RB1: variants seen among roughly 807,000 people sequenced by gnomAD.
RB1 encodes RB transcriptional corepressor 1, also known as retinoblastoma-associated protein.
A neutral mutation model predicts 135.4 loss-of-function variants in RB1; 18 were observed. The observed-to-expected ratio is 0.13, with a 90% CI of 0.09 to 0.20. RB1 has a LOEUF of 0.20. Ranked by LOEUF, RB1 falls within the 10% of genes least tolerant of loss-of-function variation. The pLI is 1.00. For missense variants in RB1, 868 were observed against 1,110.0 expected (o/e 0.78, Z 3.10); for synonymous variants, 365 against 373.2 (o/e 0.98, Z 0.25).
rs74733446 is a variant in RB1, at chr13:48,401,875, A to C, written c.1695+20432A>C. On this transcript the variant is annotated intron_variant, in intron 17 of 26. Coordinates refer to ENST00000267163, the MANE Select transcript of RB1 (RefSeq NM_000321.3). The stretch of plus-strand genomic sequence containing the variant: ...CAAATTTATCTTTAAGATTTTGATT[A>C]TATTCCTTAAGAATTCTTCAAAGAC... Among the ~76,000 whole-genome samples, 1,766 of 152,284 alleles carry C rather than the reference A, an allele frequency of 0.012. 66 individuals are homozygous for C. The East Asian group carries it at 0.12, about 10-fold the overall frequency.
intron 17 of RB1, among the ~76,000 whole-genome samples, chr13:48,423,739 G>A (rs1345664078): frequency 6.6e-6 from 1 of 152,160 alleles, no homozygotes; most frequent in Non-Finnish European, 1.5e-5. Context: ...GAAATAAATT[G>A]ATTTAAGTTC....
chr13:48,340,590 A>AAG (rs1555282513), intron 2 of RB1, among the ~76,000 whole-genome samples: 1 of 36,328 alleles, frequency 2.8e-5, no homozygotes, highest in Non-Finnish European at 2.0e-4. Context: ...AGAGAGAGAG[A>AAG]AAAAAAAAGG....
chr13:48,380,976 C>G (rs774368763), intron 16 of RB1, among the ~76,000 whole-genome samples: 1 of 152,058 alleles, frequency 6.6e-6, no homozygotes, highest in Non-Finnish European at 1.5e-5. Context: ...AGATACTAAA[C>G]CTGTTCCTGA....
intron 17 of RB1, among the ~76,000 whole-genome samples, chr13:48,423,336 G>A (rs1361672377): frequency 2.6e-5 from 4 of 151,900 alleles, no homozygotes; most frequent in Non-Finnish European, 2.9e-5. Flanking sequence ...GTGCAGTGGC[G>A]CGATCTCGGC....
At chr13:48,451,585 T>G (rs1949327285) in intron 17 of RB1, among the ~76,000 whole-genome samples, 1 of 152,140 alleles carries the variant, frequency 6.6e-6, no homozygotes, top group Admixed American at 6.5e-5. Context: ...GTTTTCTTTT[T>G]TTGTTGTATC....
chr13:48,456,252 T>A lies in RB1; in HGVS notation c.1863T>A (p.Arg621=), dbSNP rs777844119. ...CAAAGAAAAAAGGTTCAACTACGCG[T>A]GTAAATTCTACTGCAAATGCAGAGA... The part of the protein sequence containing the change: ...RSPKKKGSTT[R]VNSTANAETQ... Residue 621 remains arginine (R), a synonymous_variant, in exon 19 of 27, where the codon CGT becomes CGA. Coordinates refer to ENST00000267163, the MANE Select transcript of RB1 (RefSeq NM_000321.3). 6.2e-7 allele frequency: 1 copy of A among 1,614,178 alleles called. No individual in the cohort carries two copies. Among genetic ancestry groups the A allele is most frequent in the East Asian group, 2.2e-5 (1 of 44,872 alleles).
chr13:48,362,540 G>A (rs1489773030), intron 7 of RB1, among the ~76,000 whole-genome samples: 1 of 152,018 alleles, frequency 6.6e-6, no homozygotes, highest in Non-Finnish European at 1.5e-5. Flanking sequence ...TAGTTTGAAA[G>A]TTGGCTATTT....
chr13:48,459,087 A>G (rs1454945931), intron 19 of RB1, among the ~76,000 whole-genome samples: 1 of 152,138 alleles, frequency 6.6e-6, no homozygotes. Flanking sequence ...GGGTTTGTCT[A>G]ATTTTACAGT....
At position 48,381,293 on chromosome 13, in the gene RB1, A is replaced by G. The variant is rs1486158291; in HGVS notation, c.1545A>G (p.Pro515=). 2 of 1,612,124 alleles carry G rather than the reference A, an allele frequency of 1.2e-6. No homozygotes were observed. Among genetic ancestry groups the G allele is most frequent in the East Asian group, 2.2e-5 (1 of 44,700 alleles). The part of the protein sequence containing the change: ...NLDSGTDLSF[P]WILNVLNLKA... ...ATTCTGGAACAGATTTGTCTTTCCC[A>G]TGGATTCTGAATGTGCTTAATTTAA... Residue 515 remains proline, a synonymous_variant, in exon 17 of 27, where the codon CCA becomes CCG. Transcript: ENST00000267163.
chr13:48,412,747 T>G, intron 17 of RB1: 1 of 355,612 alleles, frequency 2.8e-6, no homozygotes, highest in South Asian at 3.0e-5. Context: ...ATTATAAATT[T>G]AAAGAAAAGC....
At chr13:48,438,192 T>G (rs1949202741) in intron 17 of RB1, among the ~76,000 whole-genome samples, 1 of 152,196 alleles carries the variant, frequency 6.6e-6, no homozygotes, top group African/African-American at 2.4e-5. Flanking sequence ...AAAGAAAAAT[T>G]TCTGTCTCAA....
At chr13:48,374,874 C>G (rs1478562831) in intron 12 of RB1, among the ~76,000 whole-genome samples, 1 of 151,994 alleles carries the variant, frequency 6.6e-6, no homozygotes. Flanking sequence ...TTCCCTCCTC[C>G]CTCTAGTAGT....
intron 17 of RB1, chr13:48,408,586 G>C (rs1948760112): frequency 2.6e-5 from 4 of 151,962 alleles, no homozygotes; most frequent in Admixed American, 2.0e-4. Flanking sequence ...TGAATAAAGG[G>C]GGAAGGGAAG....
At chr13:48,348,912 A>G (rs755209342) in intron 5 of RB1, 44 bp from the exon 6 acceptor site, 1 of 1,583,178 alleles carries the variant, frequency 6.3e-7, no homozygotes, top group South Asian at 1.1e-5. Flanking sequence ...TCTTTCAGTG[A>G]TACATTTTTC....
intron 23 of RB1, 111 bp downstream of exon 23, chr13:48,465,479 C>T (rs377756250): frequency 2.7e-6 from 3 of 1,123,812 alleles, no homozygotes; most frequent in South Asian, 2.7e-5. Flanking sequence ...ACTCTTGAAA[C>T]TCTATTTGCT....
At chr13:48,332,148 G>C (rs1463224509) in intron 2 of RB1, among the ~76,000 whole-genome samples, 1 of 152,200 alleles carries the variant, frequency 6.6e-6, no homozygotes, top group African/African-American at 2.4e-5. Flanking sequence ...AATACTGCAT[G>C]ATCTCATTTA....
At chr13:48,420,303 A>T (rs1469938051) in intron 17 of RB1, among the ~76,000 whole-genome samples, 1 of 152,234 alleles carries the variant, frequency 6.6e-6, no homozygotes, top group Non-Finnish European at 1.5e-5. Flanking sequence ...TTATGTCAAT[A>T]GATGCAGAAA....
At chr13:48,422,963 A>T (rs1342992420) in intron 17 of RB1, among the ~76,000 whole-genome samples, 1 of 152,008 alleles carries the variant, frequency 6.6e-6, no homozygotes, top group African/African-American at 2.4e-5. Flanking sequence ...CAACATAGTG[A>T]CACCCTGTTT....
intron 6 of RB1, among the ~76,000 whole-genome samples, chr13:48,359,169 C>T (rs1219950999): frequency 6.6e-6 from 1 of 151,906 alleles, no homozygotes; most frequent in Admixed American, 6.6e-5. Flanking sequence ...TGTGTTTTAT[C>T]ATGATTTGTA....
Sources: gnomAD v4.1 joint callset for allele counts (sites outside exome capture counted in the v4.1 genomes callset) on GRCh38, gnomAD v4.1.1 for gene constraint, MANE v1.5 for transcripts, NCBI Gene and HGNC (gene_info 2026-07-23, HGNC 2026-07-21) for gene names.